The following ZHX1 variants were observed in gnomAD, a reference collection of about 807,000 sequenced individuals.
The protein encoded by ZHX1 is zinc fingers and homeoboxes 1.
In ZHX1, 20 loss-of-function variants were observed where a neutral mutation model predicts 61.8. The observed-to-expected ratio is 0.32, with a 90% CI of 0.23 to 0.47. The LOEUF (loss-of-function observed/expected upper bound fraction) is 0.47. ZHX1 is among the 20% of genes least tolerant of loss of function. The pLI, the probability that ZHX1 is intolerant of heterozygous loss-of-function variation, is 1.00. For missense variants in ZHX1, 800 were observed against 1,034.8 expected (o/e 0.77, Z 3.11); for synonymous variants, 318 against 352.6 (o/e 0.90, Z 1.10).
intron 1 of ZHX1, among the ~76,000 whole-genome samples, chr8:123,272,153 C>T (rs1826677560): frequency 6.6e-6 from 1 of 152,182 alleles, no homozygotes; most frequent in Non-Finnish European, 1.5e-5. Flanking sequence ...AAAGCTCTTT[C>T]GAAAATACAA....
intron 2 of ZHX1, among the ~76,000 whole-genome samples, chr8:123,264,967 T>A (rs879558973): frequency 6.7e-6 from 1 of 149,718 alleles, no homozygotes. Flanking sequence ...GGCGGGTGGA[T>A]CACCTGAGGT....
intron 2 of ZHX1, among the ~76,000 whole-genome samples, chr8:123,262,284 T>C (rs1239191926): frequency 3.3e-5 from 5 of 152,218 alleles, no homozygotes; most frequent in African/African-American, 9.6e-5. Flanking sequence ...TATACTGCCA[T>C]TAAAATTGAT....
Position 123,255,920 on chromosome 8 carries a change from T to G in ZHX1, c.27A>C (p.Thr9=), listed in dbSNP as rs1475416372. 5.0e-6 allele frequency: 8 copies of G among 1,606,062 alleles called. No homozygotes were observed. The highest frequency in any genetic ancestry group is 1.3e-5 in the African/African-American group (1 of 74,572). ...GTTCACTGGCAAGGACCATGCAAGGTGTTGTTGATTTTCGCCTGCTTGCCA... is the reference window on the plus strand; with the variant it reads ...GTTCACTGGCAAGGACCATGCAAGGGGTTGTTGATTTTCGCCTGCTTGCCA... MASRRKST[T]PCMVLASEQD... Residue 9 remains threonine (T), a synonymous_variant, in exon 3 of 4, where the codon ACA becomes ACC. Transcript: ENST00000395571.
At chr8:123,259,865 AAG>A (rs1211329949) in intron 2 of ZHX1, among the ~76,000 whole-genome samples, 1 of 152,200 alleles carries the variant, frequency 6.6e-6, no homozygotes, top group Non-Finnish European at 1.5e-5. Flanking sequence ...AAACAGATAA[AAG>A]AGAAGCCATC....
In ZHX1 at chr8:123,255,625, T is replaced by G; in HGVS notation, c.322A>C (p.Asn108His). The G allele has an allele frequency of 6.2e-7, 1 of 1,613,674 alleles. No homozygotes were observed. Among genetic ancestry groups the G allele is most frequent in the Non-Finnish European group, 8.5e-7 (1 of 1,180,012 alleles). ...GCATCATACCTTTTGGTAAGAAAAT[T>G]GCATTCGACACAAACATAGGATGAA... ...LNSSYVCVEC[N>H]FLTKRYDALS... Residue 108 changes from asparagine to histidine, a missense_variant, in exon 3 of 4, where the codon AAT becomes CAT. Transcript: ENST00000395571.
upstream of ZHX1, chr8:123,275,315 A>C (rs1194365467): frequency 6.6e-6 from 1 of 152,502 alleles, no homozygotes; most frequent in East Asian, 1.9e-4. Context: ...GAGGAACAGA[A>C]CCAAAGCGGA....
At chr8:123,260,774 T>C (rs990238970) in intron 2 of ZHX1, among the ~76,000 whole-genome samples, 1 of 151,870 alleles carries the variant, frequency 6.6e-6, no homozygotes, top group Non-Finnish European at 1.5e-5. Flanking sequence ...CCCAGCACTT[T>C]GGGAAGCTGG....
chr8:123,254,158 C>A lies in ZHX1; in HGVS notation c.1789G>T (p.Glu597Ter). The A allele has an allele frequency of 6.2e-7, 1 of 1,614,132 alleles. No homozygotes were observed. The stretch of plus-strand genomic sequence containing the variant: ...GTTTGTGCCCTTAACCTATTTAATT[C>A]TTCATCTGTAAGTACAGAGCTGTTG... Reference protein sequence around the residue: ...FLNSSVLTDEELNRLRAQTKL... With the variant: ...FLNSSVLTDE The change falls in exon 3 of 4, where the codon GAA (glutamate) becomes TAA (stop). Residue 597 changes from glutamate to a stop codon, truncating the protein, a stop_gained. Transcript: ENST00000395571. LOFTEE classifies it high-confidence loss of function. This position sits in a 1 kb window ranked among gnomAD's most constrained non-coding sequence, Gnocchi z 4.1.
chr8:123,266,757 T>C (rs1826472845), intron 2 of ZHX1, among the ~76,000 whole-genome samples: 2 of 152,154 alleles, frequency 1.3e-5, no homozygotes, highest in Admixed American at 6.6e-5. Context: ...AATATTCAAA[T>C]ATTTAAGTTT....
In ZHX1 at chr8:123,255,200, C is replaced by T. The variant is rs377462629; in HGVS notation, c.747G>A (p.Thr249=). 1.5e-5 allele frequency: 25 copies of T among 1,614,006 alleles called. No homozygotes were observed. The highest frequency in any genetic ancestry group is 2.7e-5 in the African/African-American group (2 of 74,906). ...GAAGAACTGCTGCTGGTGTCACTAC[C>T]GTGCTGGCAGTACTTGGATGTATTC... The part of the protein sequence containing the change: ...VNRIHPSTAS[T]VVTPAAVLPG... Residue 249 remains threonine (T), a synonymous_variant, in exon 3 of 4, where the codon ACG becomes ACA. Coordinates refer to ENST00000395571, the MANE Select transcript of ZHX1 (RefSeq NM_007222.5).
rs1826035190 is a variant in ZHX1 at position 123,255,209 on chromosome 8, A to G, written c.738T>C (p.Thr246=). The change falls in exon 3 of 4, where the codon ACT becomes ACC. Residue 246 remains threonine (T), a synonymous_variant. Transcript: ENST00000395571. ...CTGCTGGTGTCACTACCGTGCTGGC[A>G]GTACTTGGATGTATTCTGTTTACAA... ...TSIVNRIHPS[T]ASTVVTPAAV... 2 of 1,614,218 alleles carry G rather than the reference A, an allele frequency of 1.2e-6. No individual in the cohort carries two copies. Among genetic ancestry groups the G allele is most frequent in the Non-Finnish European group, 1.7e-6 (2 of 1,180,022 alleles).
At chr8:123,264,208 G>C (rs1037593176) in intron 2 of ZHX1, among the ~76,000 whole-genome samples, 16 of 152,140 alleles carry the variant, frequency 1.1e-4, no homozygotes, top group Non-Finnish European at 1.8e-4. Flanking sequence ...AAAGGGTATA[G>C]TTATTATAAA....
chr8:123,274,693 G>T (rs1826789562), upstream of ZHX1, among the ~76,000 whole-genome samples: 1 of 151,356 alleles, frequency 6.6e-6, no homozygotes, highest in South Asian at 2.1e-4. Flanking sequence ...CCCAGGGCTC[G>T]AAATGGCCCC....
In ZHX1 at chr8:123,267,318, T is replaced by C. The variant is rs954091065; in HGVS notation, c.-271A>G. ...TTCTGTTCTTTGAAATGGAAGGGTA[T>C]CCCTTCTAGTTAGATGTTTAGCTCA... On this transcript the variant is annotated 5_prime_UTR_variant, in exon 2 of 4. Transcript: ENST00000395571. 3 of 1,528,278 alleles carry C rather than the reference T, an allele frequency of 2.0e-6. No individual in the cohort carries two copies. Among genetic ancestry groups the C allele is most frequent in the Non-Finnish European group, 2.6e-6 (3 of 1,141,490 alleles). The allele number at this position is 1,528,278 out of a possible 1,614,324, so 94.7% of individuals were successfully genotyped here.
intron 1 of ZHX1, among the ~76,000 whole-genome samples, chr8:123,271,160 T>C (rs1427884251): frequency 1.3e-5 from 2 of 152,176 alleles, no homozygotes; most frequent in Non-Finnish European, 2.9e-5. Flanking sequence ...ACAATAAAAT[T>C]TATCAATAAT....
intron 1 of ZHX1, among the ~76,000 whole-genome samples, chr8:123,268,133 T>C (rs1159662778): frequency 6.6e-6 from 1 of 152,256 alleles, no homozygotes. Flanking sequence ...TAATTTATTA[T>C]GTTAATCAGA....
intron 1 of ZHX1, among the ~76,000 whole-genome samples, chr8:123,271,785 A>G (rs1216809060): frequency 6.6e-6 from 1 of 151,466 alleles, no homozygotes; most frequent in South Asian, 2.1e-4. Flanking sequence ...CCAATTATTG[A>G]AAAAAAAAGA....
chr8:123,274,140 G>C (rs768236806), intron 1 of ZHX1, 77 bp downstream of exon 1: 1 of 152,844 alleles, frequency 6.5e-6, no homozygotes, highest in Non-Finnish European at 1.5e-5. Flanking sequence ...TGCCGGCCGC[G>C]GACTCTGCGC....
intron 2 of ZHX1, among the ~76,000 whole-genome samples, chr8:123,262,406 T>C (rs1046017663): frequency 2.0e-5 from 3 of 152,374 alleles, no homozygotes; most frequent in Admixed American, 6.5e-5. Context: ...TATGTATGCA[T>C]GTGAACAAAG....
Sources: allele counts gnomAD v4.1 joint callset (sites outside exome capture counted in the v4.1 genomes callset), GRCh38; gene constraint gnomAD v4.1.1; non-coding constraint Gnocchi (gnomAD v3.1); transcripts MANE v1.5; gene names NCBI Gene and HGNC (gene_info 2026-07-23, HGNC 2026-07-21).